The following NRXN1 variants were observed in gnomAD, a reference collection of about 807,000 sequenced individuals.
The protein encoded by NRXN1 is neurexin-1.
Under a neutral mutation model 150.9 loss-of-function variants are expected in NRXN1, and 39 were observed. The observed-to-expected ratio is 0.26, with a 90% CI of 0.20 to 0.34. NRXN1 has a LOEUF of 0.34. Ranked by LOEUF, NRXN1 falls within the 10% of genes least tolerant of loss-of-function variation. The pLI, the probability that NRXN1 is intolerant of heterozygous loss-of-function variation, is 1.00. For synonymous variants in NRXN1, 924 were observed against 757.0 expected, an observed-to-expected ratio of 1.22 and a Z score of -3.62; for missense variants, 1,815 against 1,949.9, an observed-to-expected ratio of 0.93 and a Z score of 1.30.
intron 2 of NRXN1, among the ~76,000 whole-genome samples, chr2:50,939,087 T>A (rs1688986309): frequency 6.6e-6 from 1 of 151,576 alleles, no homozygotes; most frequent in Non-Finnish European, 1.5e-5. Flanking sequence ...GGTGGACACC[T>A]GTAGTCCCAG....
intron 21 of NRXN1, 138 bp from the exon 22 acceptor site, chr2:49,943,929 T>G: frequency 1.4e-6 from 1 of 721,906 alleles, no homozygotes; most frequent in East Asian, 2.7e-5. Context: ...GACACAGAGC[T>G]TACATTTTAG....
intron 5 of NRXN1, among the ~76,000 whole-genome samples, chr2:50,784,472 G>C (rs1222218455): frequency 6.6e-6 from 1 of 151,932 alleles, no homozygotes. Flanking sequence ...TAGAGGAAAA[G>C]AAAAGCATGA....
intron 18 of NRXN1, among the ~76,000 whole-genome samples, chr2:50,169,755 T>C (rs1168753260): frequency 6.9e-6 from 1 of 144,392 alleles, no homozygotes; most frequent in Non-Finnish European, 1.5e-5. Flanking sequence ...ATGGATGAGG[T>C]AGATGGAGGA....
At chr2:50,876,116 A>C (rs1678554339) in intron 5 of NRXN1, among the ~76,000 whole-genome samples, 2 of 151,966 alleles carry the variant, frequency 1.3e-5, no homozygotes, top group Non-Finnish European at 2.9e-5. Flanking sequence ...GTAACTATTA[A>C]GACGGGCAGG....
intron 17 of NRXN1, among the ~76,000 whole-genome samples, chr2:50,355,139 A>G (rs944833465): frequency 3.3e-5 from 5 of 151,928 alleles, no homozygotes; most frequent in African/African-American, 9.7e-5. Context: ...ATATACTACA[A>G]TTTGAATGCA....
chr2:50,893,931 C>G (rs1412667136), intron 5 of NRXN1, among the ~76,000 whole-genome samples: 1 of 152,054 alleles, frequency 6.6e-6, no homozygotes, highest in Non-Finnish European at 1.5e-5. Context: ...AGGACATGAA[C>G]TCAACATTTT....
At chr2:50,605,470 CG>C in intron 8 of NRXN1, among the ~76,000 whole-genome samples, 1 of 152,162 alleles carries the variant, frequency 6.6e-6, no homozygotes, top group African/African-American at 2.4e-5. Flanking sequence ...AAATGGGCTA[CG>C]GACTTGAATA....
chr2:50,793,397 G>T (rs1008392695), intron 5 of NRXN1, among the ~76,000 whole-genome samples: 1 of 152,048 alleles, frequency 6.6e-6, no homozygotes, highest in African/African-American at 2.4e-5. Context: ...TTACTCTTTG[G>T]CTTTGCCATC....
chr2:50,840,611 G>A (rs905034891), intron 5 of NRXN1, among the ~76,000 whole-genome samples: 1 of 152,016 alleles, frequency 6.6e-6, no homozygotes, highest in Non-Finnish European at 1.5e-5. Flanking sequence ...CTCTTACCAT[G>A]CCTTGTGCAA....
intron 12 of NRXN1, among the ~76,000 whole-genome samples, chr2:50,513,240 T>A (rs899804763): frequency 6.6e-6 from 1 of 152,260 alleles, no homozygotes; most frequent in Admixed American, 6.5e-5. Flanking sequence ...ATAAGTTAAG[T>A]AACAGTGCAT....
intron 15 of NRXN1, among the ~76,000 whole-genome samples, chr2:50,484,857 C>A (rs1158607530): frequency 6.7e-6 from 1 of 148,962 alleles, no homozygotes; most frequent in Admixed American, 6.9e-5. Flanking sequence ...AAAGTAGAAG[C>A]TTGATTAAGA....
intron 17 of NRXN1, among the ~76,000 whole-genome samples, chr2:50,280,702 A>T (rs1239296214): frequency 6.6e-6 from 1 of 152,172 alleles, no homozygotes; most frequent in Non-Finnish European, 1.5e-5. Context: ...AAATACTATG[A>T]TTCAGGCTCT....
chr2:51,014,976 G>T (rs1346676221), intron 2 of NRXN1, among the ~76,000 whole-genome samples: 1 of 152,052 alleles, frequency 6.6e-6, no homozygotes, highest in Non-Finnish European at 1.5e-5. Flanking sequence ...TTTTCTGTAG[G>T]TTAAATGTAG....
intron 21 of NRXN1, among the ~76,000 whole-genome samples, chr2:49,965,094 G>A (rs1676716486): frequency 6.6e-6 from 1 of 151,860 alleles, no homozygotes; most frequent in African/African-American, 2.4e-5. Flanking sequence ...TTCCCAGGCT[G>A]GTCTCAAACT....
intron 5 of NRXN1, among the ~76,000 whole-genome samples, chr2:50,710,670 T>G (rs2105038530): frequency 6.6e-6 from 1 of 152,302 alleles, no homozygotes; most frequent in South Asian, 2.1e-4. Flanking sequence ...ATAAATGAAC[T>G]CGACATTTAG....
rs138828537 is a variant in NRXN1, at chr2:49,950,352, GCTCA to G, written c.4129-6565_4129-6562del. On this transcript the variant is annotated intron_variant, in intron 21 of 22. Coordinates refer to ENST00000401669, the MANE Select transcript of NRXN1 (RefSeq NM_001330078.2). Reference sequence around the variant, plus strand: ...TTGACATAAAGATGTCAATTTCATGGCTCACTATTTAATAAACATAAAAATAATA... The same window carrying G: ...TTGACATAAAGATGTCAATTTCATGGCTATTTAATAAACATAAAAATAATA... Among the ~76,000 whole-genome samples the G allele has an allele frequency of 5.3e-3, 805 of 151,852 alleles. 10 individuals carry two copies. Among genetic ancestry groups the G allele is most frequent in the African/African-American group, 0.019 (780 of 41,460 alleles).
intron 17 of NRXN1, among the ~76,000 whole-genome samples, chr2:50,402,349 C>A (rs768772787): frequency 6.6e-6 from 1 of 151,756 alleles, no homozygotes; most frequent in East Asian, 1.9e-4. Flanking sequence ...TTTCCACACC[C>A]CTTTTTTAAC....
intron 17 of NRXN1, among the ~76,000 whole-genome samples, chr2:50,423,560 A>T (rs2084171559): frequency 6.6e-6 from 1 of 152,178 alleles, no homozygotes; most frequent in Non-Finnish European, 1.5e-5. Flanking sequence ...GAAAAGAGAT[A>T]AGGAAGCGAG....
intron 5 of NRXN1, among the ~76,000 whole-genome samples, chr2:50,906,741 T>C (rs956164050): frequency 3.3e-5 from 5 of 152,090 alleles, no homozygotes; most frequent in African/African-American, 1.2e-4. Context: ...ATACTTACAT[T>C]ATGCTTCTGC....
Sources: allele counts gnomAD v4.1 joint callset (sites outside exome capture counted in the v4.1 genomes callset), GRCh38; gene constraint gnomAD v4.1.1; transcripts MANE v1.5; gene names NCBI Gene and HGNC (gene_info 2026-07-23, HGNC 2026-07-21).